Variants in NMNAT2 observed in about 807,000 individuals in gnomAD.
NMNAT2 encodes the protein nicotinamide nucleotide adenylyltransferase 2.
In NMNAT2, 11 loss-of-function variants were observed where a neutral mutation model predicts 41.6. The observed-to-expected ratio is 0.26, with a 90% CI of 0.17 to 0.44. NMNAT2 has a LOEUF of 0.44. Ranked by LOEUF, NMNAT2 falls within the 20% of genes least tolerant of loss-of-function variation. The pLI is 1.00. For missense variants in NMNAT2, 288 were observed against 407.7 expected (o/e 0.71, Z 2.53); for synonymous variants, 148 against 151.2 (o/e 0.98, Z 0.16).
chr1:183,415,172 G>A (rs1421318464), intron 1 of NMNAT2, among the ~76,000 whole-genome samples: 1 of 152,100 alleles, frequency 6.6e-6, no homozygotes, highest in South Asian at 2.1e-4. Context: ...TGTAGAGATG[G>A]GGTTTCACCA....
rs1557883690 is a variant in NMNAT2 at position 183,341,736 on chromosome 1, A to ACAAAAAAAAAACAAAAAC, written c.86-47944_86-47943insGTTTTTGTTTTTTTTTTG. ...AAACAAACAAACACCAAAAAAAAAA[A>ACAAAAAAAAAACAAAAAC]AAAAAAAAAAACCTGTTTCCTTCAC... On this transcript the variant is annotated intron_variant, in intron 1 of 10. Coordinates refer to ENST00000287713, the MANE Select transcript of NMNAT2 (RefSeq NM_015039.4). 5.9e-3 allele frequency among the ~76,000 whole-genome samples: 811 copies of ACAAAAAAAAAACAAAAAC among 138,200 alleles called. 46 individuals carry two copies. The highest frequency in any genetic ancestry group is 0.022 in the African/African-American group (779 of 35,794). 90.7% of individuals were successfully genotyped at this position (138,200 alleles called of 152,430 possible).
chr1:183,403,629 T>C (rs1275605351), intron 1 of NMNAT2, among the ~76,000 whole-genome samples: 1 of 152,210 alleles, frequency 6.6e-6, no homozygotes, highest in Non-Finnish European at 1.5e-5. Flanking sequence ...AAATTCCACA[T>C]GGAGAAGTTG....
chr1:183,409,269 A>C (rs758626434), intron 1 of NMNAT2, among the ~76,000 whole-genome samples: 1 of 152,202 alleles, frequency 6.6e-6, no homozygotes, highest in Non-Finnish European at 1.5e-5. Context: ...CACTTTATTG[A>C]GTTTTTTAAA....
At chr1:183,297,459 C>T (rs1000455192) in intron 1 of NMNAT2, among the ~76,000 whole-genome samples, 1 of 150,836 alleles carries the variant, frequency 6.6e-6, no homozygotes, top group African/African-American at 2.4e-5. Context: ...CTCGGCTCAG[C>T]GCAACCTCTG....
chr1:183,287,322 G>A (rs1007576931), intron 4 of NMNAT2, among the ~76,000 whole-genome samples: 1 of 152,124 alleles, frequency 6.6e-6, no homozygotes, highest in Non-Finnish European at 1.5e-5. Context: ...CACAAGGCAC[G>A]ATCACCACCT....
At chr1:183,341,724 C>CAAAAAAAAAAAAAAAAA (rs1557883660) in intron 1 of NMNAT2, among the ~76,000 whole-genome samples, 1 of 15,844 alleles carries the variant, frequency 6.3e-5, no homozygotes, top group African/African-American at 2.0e-4. Flanking sequence ...CAAACAAACA[C>CAAAAAAAAAAAAAAAAA]CAAAAAAAAA....
chr1:183,281,870 C>T (rs550426153), intron 7 of NMNAT2, among the ~76,000 whole-genome samples: 1 of 152,384 alleles, frequency 6.6e-6, no homozygotes, highest in East Asian at 1.9e-4. Context: ...GCCCCAGCGC[C>T]TCACACAGCG....
chr1:183,266,098 G>A (rs1279023343), intron 8 of NMNAT2, among the ~76,000 whole-genome samples: 1 of 151,914 alleles, frequency 6.6e-6, no homozygotes, highest in Non-Finnish European at 1.5e-5. Flanking sequence ...TGGAGTTGTT[G>A]GCCTTGCCAA....
intron 1 of NMNAT2, among the ~76,000 whole-genome samples, chr1:183,371,310 T>C (rs951013683): frequency 6.6e-6 from 1 of 152,162 alleles, no homozygotes; most frequent in Admixed American, 6.5e-5. Context: ...TTGCCAGAAG[T>C]TGAGGGGAGG....
intron 1 of NMNAT2, among the ~76,000 whole-genome samples, chr1:183,406,999 A>G (rs1057337791): frequency 2.6e-5 from 4 of 151,966 alleles, no homozygotes; most frequent in Non-Finnish European, 4.4e-5. Flanking sequence ...TTGTATTTTT[A>G]GTAGAGATGG....
At chr1:183,393,131 C>G (rs533086423) in intron 1 of NMNAT2, among the ~76,000 whole-genome samples, 1 of 152,290 alleles carries the variant, frequency 6.6e-6, no homozygotes, top group East Asian at 1.9e-4. Flanking sequence ...ATTAATTCAC[C>G]TCGAGTGGAA....
At chr1:183,271,621 T>C (rs1660990095) in intron 8 of NMNAT2, among the ~76,000 whole-genome samples, 1 of 152,188 alleles carries the variant, frequency 6.6e-6, no homozygotes, top group Non-Finnish European at 1.5e-5. Context: ...TAAAGAAATA[T>C]TATAATGAAA....
At chr1:183,265,854 T>C (rs1256374481) in intron 8 of NMNAT2, among the ~76,000 whole-genome samples, 10 of 152,188 alleles carry the variant, frequency 6.6e-5, no homozygotes, top group Non-Finnish European at 1.3e-4. Flanking sequence ...GATCTTGAGA[T>C]TATCCTGGGT....
At chr1:183,342,414 C>T (rs1426366069) in intron 1 of NMNAT2, among the ~76,000 whole-genome samples, 3 of 152,296 alleles carry the variant, frequency 2.0e-5, no homozygotes, top group African/African-American at 4.8e-5. Flanking sequence ...GATGCTTAGA[C>T]CCATAGTGAG....
intron 8 of NMNAT2, among the ~76,000 whole-genome samples, chr1:183,268,164 A>G (rs1263828485): frequency 6.6e-6 from 1 of 152,108 alleles, no homozygotes; most frequent in Admixed American, 6.5e-5. Context: ...GCAGGAAGCA[A>G]CTTGGCCTTG....
chr1:183,274,827 T>G (rs1230087972), intron 8 of NMNAT2, among the ~76,000 whole-genome samples: 1 of 141,918 alleles, frequency 7.0e-6, no homozygotes, highest in African/African-American at 2.6e-5. Flanking sequence ...GGAGAGAAAA[T>G]AGGGAAGATG....
chr1:183,263,121 T>C (rs973289990), intron 8 of NMNAT2, among the ~76,000 whole-genome samples: 4 of 152,198 alleles, frequency 2.6e-5, no homozygotes, highest in Non-Finnish European at 5.9e-5. Flanking sequence ...TGCTTACAAC[T>C]GGACCTAAAC....
intron 5 of NMNAT2, among the ~76,000 whole-genome samples, chr1:183,286,037 A>G (rs972050375): frequency 6.6e-6 from 1 of 152,126 alleles, no homozygotes; most frequent in African/African-American, 2.4e-5. Context: ...TCCATTTTGT[A>G]TATTCAATTC....
At chr1:183,315,395 A>G (rs16860791) in intron 1 of NMNAT2, among the ~76,000 whole-genome samples, 3 of 125,454 alleles carry the variant, frequency 2.4e-5, no homozygotes. Context: ...TGTCGGTAAC[A>G]TGTGCAATAA....
Sources: allele counts gnomAD v4.1 joint callset (sites outside exome capture counted in the v4.1 genomes callset), GRCh38; gene constraint gnomAD v4.1.1; transcripts MANE v1.5; gene names NCBI Gene and HGNC (gene_info 2026-07-23, HGNC 2026-07-21).